Variants in MAPK11 observed in about 807,000 individuals in gnomAD.
MAPK11 encodes the protein MAP kinase 11.
Under a neutral mutation model 52.2 loss-of-function variants are expected in MAPK11, and 44 were observed. The observed-to-expected ratio is 0.84, with a 90% CI of 0.66 to 1.08. The LOEUF (loss-of-function observed/expected upper bound fraction) is 1.08. MAPK11 is among the 50% of genes least tolerant of loss of function. The pLI, the probability that MAPK11 is intolerant of heterozygous loss-of-function variation, is 0.00. For missense variants in MAPK11, 436 were observed against 494.7 expected (o/e 0.88, Z 1.13); for synonymous variants, 233 against 206.3 (o/e 1.13, Z -1.11).
In MAPK11 at chr22:50,267,300, A is replaced by G; in HGVS notation, c.418-14T>C. The G allele has an allele frequency of 6.3e-7, 1 of 1,597,382 alleles. No homozygotes were observed. ...CGAGTGGATGTACTGCGGGAGGGGG[A>G]TTGTGGTGAGCGCCGGGCCCGGCCC... is the stretch of plus-strand genomic sequence containing the variant. On this transcript the variant is annotated splice_polypyrimidine_tract_variant and intron_variant, in intron 4 of 11. Transcript: ENST00000330651.
In MAPK11 at chr22:50,267,003, C is replaced by G; in HGVS notation, c.541G>C (p.Gly181Arg). 6.2e-7 allele frequency: 1 copy of G among 1,612,696 alleles called. No homozygotes were observed. The highest frequency in any genetic ancestry group is 8.5e-7 in the Non-Finnish European group (1 of 1,179,940). The change falls in exon 7 of 12, where the codon GGC (glycine) becomes CGC (arginine). Residue 181 changes from glycine (G) to arginine (R), a missense_variant. Physicochemically the swap from Gly to Arg is moderately radical, Grantham distance 125 (BLOSUM62 -2). Transcript: ENST00000330651. Reference protein sequence around the residue: ...LARQADEEMTGYVATRWYRAP... With the variant: ...LARQADEEMTRYVATRWYRAP... ...CGGTACCAGCGCGTGGCCACATAGC[C>G]GGTCATCTCCTCGTCCGCCTGGCGC...
At position 50,267,271 on chromosome 22, in the gene MAPK11, C is replaced by T. The variant is rs768455266; in HGVS notation, c.433G>A (p.Gly145Arg). 3 of 1,603,898 alleles carry T rather than the reference C, an allele frequency of 1.9e-6. No individual in the cohort carries two copies. The highest frequency in any genetic ancestry group is 2.7e-5 in the African/African-American group (2 of 75,006). ...LRGLKYIHSA[G>R]IIHRDLKPSN... ...GTCGCACCTACCCGGTGGATGATCC[C>T]GGCCGAGTGGATGTACTGCGGGAGG... The change falls in exon 5 of 12, where the codon GGG (glycine) becomes AGG (arginine). Residue 145 changes from glycine to arginine, a missense_variant. By Grantham distance (125) the Gly-to-Arg change is moderately radical. Coordinates refer to ENST00000330651, the MANE Select transcript of MAPK11 (RefSeq NM_002751.7).
At chr22:50,265,696 ACT>A (rs2065256907) in intron 9 of MAPK11, 36 bp from the exon 10 acceptor site, 1 of 1,316,636 alleles carries the variant, frequency 7.6e-7, no homozygotes, top group South Asian at 1.4e-5. Flanking sequence ...GAGGCTGCTC[ACT>A]CTCTGCCTCC....
At chr22:50,267,703 G>C (rs1311566348) in intron 2 of MAPK11, 76 bp from the exon 3 acceptor site, 3 of 1,443,740 alleles carry the variant, frequency 2.1e-6, no homozygotes, top group Non-Finnish European at 2.7e-6. Context: ...CACGCCCCCA[G>C]TGCCAGGCCG....
chr22:50,267,497 G>A lies in MAPK11; in HGVS notation c.306-15C>T. 1 of 1,593,416 alleles carries A rather than the reference G, an allele frequency of 6.3e-7. No homozygotes were observed. The highest frequency in any genetic ancestry group is 8.5e-7 in the Non-Finnish European group (1 of 1,170,114). ...TCACCAAGTACCTGGGGCGGGGTCA[G>A]GGGGTCAGGACAGGGCCCCACCGCC... On this transcript the variant is annotated splice_polypyrimidine_tract_variant and intron_variant, in intron 3 of 11. Transcript: ENST00000330651.
chr22:50,269,813 C>G (rs1488697699), intron 1 of MAPK11, among the ~76,000 whole-genome samples: 1 of 152,202 alleles, frequency 6.6e-6, no homozygotes, highest in Admixed American at 6.5e-5. Flanking sequence ...TGACCCGACT[C>G]AGTGAATCTC....
At position 50,265,463 on chromosome 22, in the gene MAPK11, C is replaced by G. The variant is rs746522975; in HGVS notation, c.873G>C (p.Leu291=). Residue 291 remains leucine, a synonymous_variant, in exon 11 of 12, where the codon CTG becomes CTC. Coordinates refer to ENST00000330651, the MANE Select transcript of MAPK11 (RefSeq NM_002751.7). The part of the protein sequence containing the change: ...AIDLLGRMLV[L]DSDQRVSAAE... ...CTGCACTGACCCTCTGGTCACTGTC[C>G]AGCACCAGCATCCTTCCAAGGAGGT... 1 of 1,613,166 alleles carries G rather than the reference C, an allele frequency of 6.2e-7. No homozygotes were observed. The highest frequency in any genetic ancestry group is 8.5e-7 in the Non-Finnish European group (1 of 1,179,996).
In MAPK11 at chr22:50,264,494, G is replaced by A. The variant is rs1241928966; in HGVS notation, c.*454C>T. 6.2e-6 allele frequency: 1 copy of A among 160,002 alleles called. No individual in the cohort carries two copies. Among genetic ancestry groups the A allele is most frequent in the Non-Finnish European group, 1.4e-5 (1 of 72,088 alleles). 9.9% of individuals were successfully genotyped at this position (160,002 alleles called of 1,614,324 possible). ...CAAGACAGCCCCCTACCTCCAGGCTGAGCAGCTCTAACCACTGAGACCTCT... is the reference window on the plus strand; with the variant it reads ...CAAGACAGCCCCCTACCTCCAGGCTAAGCAGCTCTAACCACTGAGACCTCT... On this transcript the variant is annotated 3_prime_UTR_variant, in exon 12 of 12. Transcript: ENST00000330651.
At position 50,267,945 on chromosome 22, in the gene MAPK11, C is replaced by G; in HGVS notation, c.121G>C (p.Ala41Pro). The G allele has an allele frequency of 6.4e-7, 1 of 1,563,818 alleles. No homozygotes were observed. The highest frequency in any genetic ancestry group is 1.8e-5 in the Admixed American group (1 of 54,892). ...TTCTGGCGCAGCCGGGCGTCGTAGG[C>G]CGAACTGGAAGGCGGGCGAGTGAGG... is the stretch of plus-strand genomic sequence containing the variant. ...GSGAYGSVCS[A>P]YDARLRQKVA... The change falls in exon 2 of 12, where the codon GCC becomes CCC. Residue 41 changes from alanine (A) to proline (P), a missense_variant. Coordinates refer to ENST00000330651, the MANE Select transcript of MAPK11 (RefSeq NM_002751.7).
Position 50,267,949 on chromosome 22 carries a change from A to G in MAPK11, c.117T>C (p.Cys39=), listed in dbSNP as rs371004203. ...GGCGCAGCCGGGCGTCGTAGGCCGA[A>G]CTGGAAGGCGGGCGAGTGAGGCGGC... ...PVGSGAYGSV[C]SAYDARLRQK... Residue 39 remains cysteine, a splice_region_variant and synonymous_variant, in exon 2 of 12, where the codon TGT becomes TGC. Transcript: ENST00000330651. The G allele has an allele frequency of 3.8e-5, 59 of 1,558,756 alleles. No individual in the cohort carries two copies. The African/African-American group carries it at 7.6e-4, about 20-fold the overall frequency.
chr22:50,268,033 C>T lies in MAPK11; in HGVS notation c.117-84G>A, dbSNP rs534251662. The stretch of plus-strand genomic sequence containing the variant: ...TGGACCCGGGCGGCGTCCCTCTCGC[C>T]GCTTCTCCGTGGGGATGGGGCCGTG... On this transcript the variant is annotated intron_variant, in intron 1 of 11. Transcript: ENST00000330651. 1.3e-4 allele frequency: 178 copies of T among 1,362,480 alleles called. 2 individuals are homozygous for T. In the African/African-American group the frequency reaches 2.3e-3, roughly 17 times the overall value. The allele number at this position is 1,362,480 out of a possible 1,614,324, so 84.4% of individuals were successfully genotyped here. A position where few individuals can be genotyped will look rare whatever the true frequency, so the allele number is the denominator to read the frequency against.
Position 50,265,046 on chromosome 22 carries a change from G to T in MAPK11, c.1016-19C>A, listed in dbSNP as rs1454164093. ...GTGAGCTCTAGGAGGTGAAGGGAAAGGGTGAGCTTGTGCCTCCCACAGCCC... is the reference window on the plus strand; with the variant it reads ...GTGAGCTCTAGGAGGTGAAGGGAAATGGTGAGCTTGTGCCTCCCACAGCCC... On this transcript the variant is annotated intron_variant, in intron 11 of 11. Transcript: ENST00000330651. The T allele has an allele frequency of 6.2e-7, 1 of 1,604,426 alleles. No individual in the cohort carries two copies. The highest frequency in any genetic ancestry group is 8.5e-7 in the Non-Finnish European group (1 of 1,172,950).
In MAPK11 at chr22:50,270,140, C is replaced by A; in HGVS notation, c.116+37G>T. ...AGGGGACGCGCTCTCCGGCCCGGCC[C>A]GGCCCCCACCCAGCACCCCTTCTGC... On this transcript the variant is annotated intron_variant, in intron 1 of 11. Transcript: ENST00000330651. The surrounding 1 kb of genome is among the most constrained non-coding windows in gnomAD (Gnocchi z 6.3). 1 of 1,146,842 alleles carries A rather than the reference C, an allele frequency of 8.7e-7. No individual in the cohort carries two copies. The highest frequency in any genetic ancestry group is 2.0e-5 in the South Asian group (1 of 50,562). 71.0% of individuals were successfully genotyped at this position (1,146,842 alleles called of 1,614,324 possible).
intron 1 of MAPK11, among the ~76,000 whole-genome samples, chr22:50,268,274 C>T (rs2065282533): frequency 6.6e-6 from 1 of 152,216 alleles, no homozygotes; most frequent in Non-Finnish European, 1.5e-5. Flanking sequence ...GTGCCCCATC[C>T]AGCGTGGAAA....
intron 3 of MAPK11, 43 bp from the exon 4 acceptor site, chr22:50,267,525 A>T (rs1601653936): frequency 9.6e-6 from 15 of 1,559,138 alleles, no homozygotes; most frequent in Middle Eastern, 1.7e-4. Context: ...CCACCGCCCC[A>T]CCGCGAACGC....
In MAPK11 at chr22:50,264,403, C is replaced by A. The variant is rs1374204451; in HGVS notation, c.*545G>T. On this transcript the variant is annotated 3_prime_UTR_variant, in exon 12 of 12. Coordinates refer to ENST00000330651, the MANE Select transcript of MAPK11 (RefSeq NM_002751.7). ...TTCTCATTTGACACCTGGTGGTTGT[C>A]CCTGCCCAGCCTGGTGGCACACTGG... The A allele has an allele frequency of 6.5e-6, 1 of 154,070 alleles. No homozygotes were observed. The allele number at this position is 154,070 out of a possible 1,614,324, so 9.5% of individuals were successfully genotyped here.
chr22:50,266,393 G>A (rs1040682387), intron 8 of MAPK11, 88 bp from the exon 9 acceptor site: 28 of 1,440,000 alleles, frequency 1.9e-5, no homozygotes, highest in South Asian at 6.3e-5. Context: ...CCCAGAGCCC[G>A]CTCTCCTATA....
chr22:50,268,081 C>G (rs2065281136), intron 1 of MAPK11, 132 bp from the exon 2 acceptor site: 21 of 1,103,630 alleles, frequency 1.9e-5, no homozygotes, highest in Non-Finnish European at 2.5e-5. Flanking sequence ...CCCGGCCCCG[C>G]CGCCCCAGCT....
intron 2 of MAPK11, 74 bp downstream of exon 2, chr22:50,267,746 C>A: frequency 7.1e-7 from 1 of 1,410,534 alleles, no homozygotes; most frequent in Non-Finnish European, 9.4e-7. Flanking sequence ...ATCGCCAGGG[C>A]TCGCCCGCCT....
Sources: gnomAD v4.1 joint callset for allele counts (sites outside exome capture counted in the v4.1 genomes callset) on GRCh38, gnomAD v4.1.1 for gene constraint, Gnocchi (gnomAD v3.1) non-coding constraint, MANE v1.5 for transcripts, NCBI Gene and HGNC (gene_info 2026-07-23, HGNC 2026-07-21) for gene names.